Variants in KDM1B observed in about 807,000 individuals in gnomAD.
KDM1B encodes the protein lysine demethylase 1B, also known as lysine-specific histone demethylase 2.
KDM1B carries 63 observed loss-of-function variants against 107.4 expected under a neutral mutation model. That is an observed-to-expected ratio of 0.59 (90% confidence interval 0.48 to 0.72). The LOEUF (loss-of-function observed/expected upper bound fraction) is 0.72, where lower values mean the gene tolerates loss of function less well. Ranked by LOEUF, KDM1B falls within the 30% of genes least tolerant of loss-of-function variation. The pLI is 0.00. For synonymous variants in KDM1B, 363 were observed against 363.9 expected, an observed-to-expected ratio of 1.00 and a Z score of 0.03; for missense variants, 749 against 1,020.8, an observed-to-expected ratio of 0.73 and a Z score of 3.63.
intron 7 of KDM1B, among the ~76,000 whole-genome samples, chr6:18,178,046 A>T (rs978480520): frequency 6.6e-6 from 1 of 151,714 alleles, no homozygotes; most frequent in African/African-American, 2.4e-5. Flanking sequence ...TAGATACTTA[A>T]TTTTTTTTCC....
At chr6:18,219,553 T>C (rs1582228168) in intron 21 of KDM1B, among the ~76,000 whole-genome samples, 1 of 152,226 alleles carries the variant, frequency 6.6e-6, no homozygotes, top group African/African-American at 2.4e-5. Flanking sequence ...TTTTGTAGCA[T>C]CCTCTTGTTA....
chr6:18,156,681 G>A lies in KDM1B; in HGVS notation c.-14+755G>A, dbSNP rs576366714. Among the ~76,000 whole-genome samples the A allele has an allele frequency of 3.3e-5, 5 of 152,124 alleles. No individual in the cohort carries two copies. In the South Asian group the frequency reaches 8.3e-4, roughly 25 times the overall value. On this transcript the variant is annotated intron_variant, in intron 2 of 21. Coordinates refer to ENST00000650836, the MANE Select transcript of KDM1B (RefSeq NM_001364614.2). ...TTGAATTATTCAATATTGGGAGGCC[G>A]AGGTGGGCGATCACTTGAGGTCAGG...
intron 20 of KDM1B, among the ~76,000 whole-genome samples, chr6:18,215,705 C>T (rs1428158289): frequency 6.6e-6 from 1 of 151,768 alleles, no homozygotes; most frequent in Admixed American, 6.6e-5. Flanking sequence ...CAATTGTCTT[C>T]CTTCCTTTTT....
rs1789980938 is a variant in KDM1B at position 18,223,810 on chromosome 6, T to C, written c.*1818T>C. On this transcript the variant is annotated 3_prime_UTR_variant, in exon 22 of 22. Coordinates refer to ENST00000650836, the MANE Select transcript of KDM1B (RefSeq NM_001364614.2). ...CAATGTTTTAACTACAGTTCATGAA[T>C]AGCTGGTTGTGTAAAACTAATAAAA... is the stretch of plus-strand genomic sequence containing the variant. 2 of 152,188 alleles carry C rather than the reference T, an allele frequency of 1.3e-5. No homozygotes were observed. Among genetic ancestry groups the C allele is most frequent in the South Asian group, 4.1e-4 (2 of 4,836 alleles). The allele number at this position is 152,188 out of a possible 1,614,324, so 9.4% of individuals were successfully genotyped here.
At chr6:18,219,874 A>G (rs1386984900) in intron 21 of KDM1B, among the ~76,000 whole-genome samples, 1 of 152,206 alleles carries the variant, frequency 6.6e-6, no homozygotes, top group Non-Finnish European at 1.5e-5. Context: ...ATTGTTAGTT[A>G]TGAAGGCTTC....
chr6:18,169,587 A>G (rs1054699315), intron 6 of KDM1B, among the ~76,000 whole-genome samples: 5 of 152,142 alleles, frequency 3.3e-5, no homozygotes, highest in African/African-American at 7.2e-5. Context: ...ATTTTTTCCT[A>G]TAGGTTGTTG....
At chr6:18,220,920 T>A (rs931370138) in intron 21 of KDM1B, among the ~76,000 whole-genome samples, 6 of 152,060 alleles carry the variant, frequency 3.9e-5, no homozygotes, top group Admixed American at 3.9e-4. Flanking sequence ...GCTAATTTTT[T>A]ATTTTTTTTT....
chr6:18,178,516 C>T (rs186138559), intron 7 of KDM1B, among the ~76,000 whole-genome samples: 9 of 152,254 alleles, frequency 5.9e-5, no homozygotes, highest in African/African-American at 1.7e-4. Flanking sequence ...CCTCAGCCTC[C>T]CGAGTAGCAG....
At chr6:18,199,104 G>A (rs1787869566) in intron 12 of KDM1B, among the ~76,000 whole-genome samples, 1 of 151,702 alleles carries the variant, frequency 6.6e-6, no homozygotes, top group Non-Finnish European at 1.5e-5. Context: ...AGGCTGAGGT[G>A]GGAGGATCTC....
chr6:18,205,340 ATT>A lies in KDM1B; in HGVS notation c.1532-196_1532-195del, dbSNP rs1187874070. 6.6e-6 allele frequency among the ~76,000 whole-genome samples: 1 copy of A among 152,144 alleles called. No homozygotes were observed. The highest frequency in any genetic ancestry group is 1.5e-5 in the Non-Finnish European group (1 of 68,034). On this transcript the variant is annotated intron_variant, in intron 14 of 21. Coordinates refer to ENST00000650836, the MANE Select transcript of KDM1B (RefSeq NM_001364614.2). The surrounding 1 kb of genome is among the most constrained non-coding windows in gnomAD (Gnocchi z 5.7). The stretch of plus-strand genomic sequence containing the variant: ...AAACTTAAAGTATAATAATAATAAA[ATT>A]AAAAAAAAAGATAAACTTTCTCTTC...
rs1788863949 is a variant in KDM1B at position 18,211,729 on chromosome 6, T to G, written c.1867-759T>G. On this transcript the variant is annotated intron_variant, in intron 17 of 21. Transcript: ENST00000650836. This position sits in a 1 kb window ranked among gnomAD's most constrained non-coding sequence, Gnocchi z 5.2. ...CAATGTTTGTGATGTGTTTCACTAC[T>G]TATGAAGCATATTGATGTATCTTGT... is the stretch of plus-strand genomic sequence containing the variant. 6.6e-6 allele frequency: 1 copy of G among 152,250 alleles called. No homozygotes were observed. The highest frequency in any genetic ancestry group is 1.5e-5 in the Non-Finnish European group (1 of 68,064). 9.4% of individuals were successfully genotyped at this position (152,250 alleles called of 1,614,324 possible). A position where few individuals can be genotyped will look rare whatever the true frequency, so the allele number is the denominator to read the frequency against.
chr6:18,217,621 C>T (rs1257016997), intron 20 of KDM1B, 112 bp from the exon 21 acceptor site: 1 of 774,756 alleles, frequency 1.3e-6, no homozygotes, highest in Non-Finnish European at 2.1e-6. Context: ...TTGTGATCCA[C>T]CCGCCTTAGC....
intron 21 of KDM1B, 23 bp downstream of exon 21, chr6:18,217,908 C>T (rs1789371531): frequency 6.3e-6 from 10 of 1,596,866 alleles, no homozygotes; most frequent in South Asian, 2.2e-5. Context: ...ATTCCAAACC[C>T]AATTATTTGT....
At position 18,188,004 on chromosome 6, in the gene KDM1B, T is replaced by A. The variant is rs1462644119; in HGVS notation, c.784+2T>A. The A allele has an allele frequency of 3.2e-6, 5 of 1,548,944 alleles. No individual in the cohort carries two copies. In the Admixed American group the frequency reaches 5.9e-5, roughly 18 times the overall value. On this transcript the variant is annotated splice_donor_variant, in intron 9 of 21. Transcript: ENST00000650836. LOFTEE classifies it high-confidence loss of function. ...CCAAGGCTGCCCTCTCCGTGCACGG[T>A]GAGAGCCATTCCTGGGACTCCCTGC...
intron 5 of KDM1B, among the ~76,000 whole-genome samples, chr6:18,163,743 G>A (rs1336832631): frequency 2.0e-5 from 3 of 152,094 alleles, no homozygotes; most frequent in Non-Finnish European, 4.4e-5. Flanking sequence ...CAATTTTTCT[G>A]TTACTGATTT....
chr6:18,197,429 G>C lies in KDM1B; in HGVS notation c.1147-158G>C, dbSNP rs75784635. Reference sequence around the variant, plus strand: ...AGATTGTAGGGAAAAAGGGAAGGGAGTAATAAGACAAGTGCCACCACATTC... The same window carrying C: ...AGATTGTAGGGAAAAAGGGAAGGGACTAATAAGACAAGTGCCACCACATTC... On this transcript the variant is annotated intron_variant, in intron 11 of 21. Coordinates refer to ENST00000650836, the MANE Select transcript of KDM1B (RefSeq NM_001364614.2). This position sits in a 1 kb window ranked among gnomAD's most constrained non-coding sequence, Gnocchi z 4.5. Among the ~76,000 whole-genome samples, 2,080 of 152,312 alleles carry C rather than the reference G, an allele frequency of 0.014. 51 individuals are homozygous for C. Among genetic ancestry groups the C allele is most frequent in the African/African-American group, 0.048 (1,994 of 41,570 alleles).
At chr6:18,167,024 T>G (rs1469147526) in intron 6 of KDM1B, among the ~76,000 whole-genome samples, 1 of 152,136 alleles carries the variant, frequency 6.6e-6, no homozygotes, top group African/African-American at 2.4e-5. Flanking sequence ...AGGTTTAAAA[T>G]CAGGCTTCAG....
At chr6:18,168,488 C>T (rs527534730) in intron 6 of KDM1B, among the ~76,000 whole-genome samples, 1 of 152,152 alleles carries the variant, frequency 6.6e-6, no homozygotes, top group Non-Finnish European at 1.5e-5. Flanking sequence ...GGATATGCCA[C>T]AGTTTTTTTA....
chr6:18,182,030 C>G (rs1028285699), intron 7 of KDM1B, among the ~76,000 whole-genome samples: 7 of 152,022 alleles, frequency 4.6e-5, no homozygotes, highest in African/African-American at 1.7e-4. Context: ...ATTTCTTTTA[C>G]CATAGTTCCA....
Sources: allele counts gnomAD v4.1 joint callset (sites outside exome capture counted in the v4.1 genomes callset), GRCh38; gene constraint gnomAD v4.1.1; non-coding constraint Gnocchi (gnomAD v3.1); transcripts MANE v1.5; gene names NCBI Gene and HGNC (gene_info 2026-07-23, HGNC 2026-07-21).